The following NCOR2 variants were observed in gnomAD, a reference collection of about 807,000 sequenced individuals.
The protein encoded by NCOR2 is CTG repeat protein 26.
NCOR2 carries 81 observed loss-of-function variants against 262.9 expected under a neutral mutation model. That is an observed-to-expected ratio of 0.31 (90% CI 0.26 to 0.37). The LOEUF is 0.37. NCOR2 is among the 10% of genes least tolerant of loss of function. The pLI, the probability that NCOR2 is intolerant of heterozygous loss-of-function variation, is 1.00. For synonymous variants in NCOR2, 1,659 were observed against 1,559.3 expected (o/e 1.06, Z -1.51); for missense variants, 3,385 against 3,621.4 (o/e 0.93, Z 1.68).
chr12:124,388,660 C>T (rs1462716917), intron 16 of NCOR2: 16 of 1,304,042 alleles, frequency 1.2e-5, no homozygotes, highest in African/African-American at 1.5e-5. Context: ...AGTCCCCCAT[C>T]CCCTCCCCAG....
At chr12:124,460,404 C>T (rs1175269340) in intron 5 of NCOR2, among the ~76,000 whole-genome samples, 2 of 152,198 alleles carry the variant, frequency 1.3e-5, no homozygotes, top group Non-Finnish European at 2.9e-5. Flanking sequence ...CCCAGGGCCT[C>T]CCTGCCTCTC....
intron 4 of NCOR2, among the ~76,000 whole-genome samples, chr12:124,469,470 C>A (rs1004448011): frequency 1.3e-5 from 2 of 152,154 alleles, no homozygotes; most frequent in East Asian, 1.9e-4. Flanking sequence ...CCCACAGCCC[C>A]GAAAGGGTGG....
chr12:124,391,076 C>T (rs566406562), intron 16 of NCOR2, among the ~76,000 whole-genome samples: 2 of 152,380 alleles, frequency 1.3e-5, no homozygotes, highest in East Asian at 3.9e-4. Context: ...ACTCAGCCTC[C>T]TCGGCTCAGG....
chr12:124,558,362 G>A (rs1267401375), intron 1 of NCOR2, among the ~76,000 whole-genome samples: 1 of 152,034 alleles, frequency 6.6e-6, no homozygotes, highest in African/African-American at 2.4e-5. Flanking sequence ...GATGGGGGGC[G>A]TGCAGGCCTC....
intron 5 of NCOR2, among the ~76,000 whole-genome samples, chr12:124,461,410 G>A (rs1362647237): frequency 5.9e-5 from 9 of 152,222 alleles, no homozygotes; most frequent in Admixed American, 4.6e-4. Context: ...ATCCGGGCAC[G>A]TTCTCATTCG....
chr12:124,346,421 C>T, intron 31 of NCOR2, 143 bp downstream of exon 33: 1 of 922,934 alleles, frequency 1.1e-6, no homozygotes, highest in East Asian at 3.1e-5. Context: ...CAGCTGAGGC[C>T]CGGTGATGAG....
rs1023397112 is a variant in NCOR2, at chr12:124,517,835, G to A, written c.-118+17730C>T. Among the ~76,000 whole-genome samples, 3 of 152,160 alleles carry A rather than the reference G, an allele frequency of 2.0e-5. No homozygotes were observed. The highest frequency in any genetic ancestry group is 7.2e-5 in the African/African-American group (3 of 41,422). On this transcript the variant is annotated intron_variant, in intron 1 of 46. Coordinates refer to the NCOR2 transcript ENST00000404621. This position sits in a 1 kb window ranked among gnomAD's most constrained non-coding sequence, Gnocchi z 7.6. Reference sequence around the variant, plus strand: ...TTCCGTGACTGCAGCAACTTCGTCCGATGAGACAGCCCTGCCCACCATCCC... The same window carrying A: ...TTCCGTGACTGCAGCAACTTCGTCCAATGAGACAGCCCTGCCCACCATCCC...
At chr12:124,402,261 G>A (rs1222252699) in intron 14 of NCOR2, 143 bp downstream of exon 16, 5 of 1,483,580 alleles carry the variant, frequency 3.4e-6, no homozygotes, top group Non-Finnish European at 4.5e-6. Flanking sequence ...GGCTGTCAGG[G>A]GCAAACGAGC....
At chr12:124,528,346 G>A (rs569839611) in intron 1 of NCOR2, among the ~76,000 whole-genome samples, 275 of 152,272 alleles carry the variant, frequency 1.8e-3, no homozygotes, top group Non-Finnish European at 3.2e-3. Flanking sequence ...ATTTATTTAC[G>A]GGATTGCTTA....
intron 1 of NCOR2, among the ~76,000 whole-genome samples, chr12:124,520,037 G>A (rs540383302): frequency 9.8e-5 from 15 of 152,340 alleles, no homozygotes; most frequent in Non-Finnish European, 2.1e-4. Flanking sequence ...GGGGCCCGTG[G>A]CCACTGGACT....
chr12:124,486,994 A>G (rs1330959520), intron 1 of NCOR2, among the ~76,000 whole-genome samples: 1 of 151,446 alleles, frequency 6.6e-6, no homozygotes, highest in Non-Finnish European at 1.5e-5. Flanking sequence ...TCGCTTTTCT[A>G]CCCTCCCACC....
intron 8 of NCOR2, among the ~76,000 whole-genome samples, chr12:124,431,387 GAC>G (rs1009677091): frequency 7.3e-5 from 11 of 150,038 alleles, no homozygotes; most frequent in Non-Finnish European, 1.3e-4. Flanking sequence ...TCACATGGCA[GAC>G]ACACAGACAG....
chr12:124,484,508 T>C (rs1472202859), intron 2 of NCOR2, among the ~76,000 whole-genome samples: 1 of 152,208 alleles, frequency 6.6e-6, no homozygotes, highest in Non-Finnish European at 1.5e-5. Context: ...AATATGGGCC[T>C]TGCTGAAATG....
chr12:124,393,099 A>G (rs2041421941), intron 16 of NCOR2, among the ~76,000 whole-genome samples: 1 of 152,258 alleles, frequency 6.6e-6, no homozygotes, highest in African/African-American at 2.4e-5. Context: ...CCGCCAGAGA[A>G]GAGGGCTGGG....
At position 124,388,783 on chromosome 12, in the gene NCOR2, C is replaced by T. The variant is rs367648592; in HGVS notation, c.1877-2896G>A. On this transcript the variant is annotated intron_variant, in intron 16 of 46. Transcript: ENST00000405201. ...GGCCGAAGTGGGCCGGCAGGCTGGGCGGCCGCGGTCGGCTCTGCGAGGCTG... is the reference window on the plus strand; with the variant it reads ...GGCCGAAGTGGGCCGGCAGGCTGGGTGGCCGCGGTCGGCTCTGCGAGGCTG... 132 of 1,300,914 alleles carry T rather than the reference C, an allele frequency of 1.0e-4. No individual in the cohort carries two copies. The African/African-American group carries it at 1.2e-3, about 11-fold the overall frequency. The allele number at this position is 1,300,914 out of a possible 1,614,324, so 80.6% of individuals were successfully genotyped here.
exon 20 of NCOR2, chr12:124,372,078 G>A: frequency 6.2e-7 from 1 of 1,604,222 alleles, no homozygotes. Flanking sequence ...AGGTAGCACT[G>A]GAGTCGCTGT....
At chr12:124,437,867 CCT>C (rs1318345307) in intron 8 of NCOR2, 61 bp downstream of exon 10, 1 of 1,503,310 alleles carries the variant, frequency 6.7e-7, no homozygotes, top group African/African-American at 1.4e-5. Flanking sequence ...GGTGTGGCCC[CCT>C]GTGCGCTCGA....
chr12:124,421,471 C>G (rs1253450831), intron 12 of NCOR2, among the ~76,000 whole-genome samples: 1 of 152,258 alleles, frequency 6.6e-6, no homozygotes, highest in Non-Finnish European at 1.5e-5. Context: ...GGGCTTGTTT[C>G]TCCACACTGG....
rs765191989 is a variant in NCOR2 at position 124,344,971 on chromosome 12, A to G, written c.4360-20T>C. On this transcript the variant is annotated intron_variant, in intron 31 of 46. Coordinates refer to ENST00000405201, the Ensembl canonical transcript of NCOR2. ...GGTGCCCTGGGGCAGAGGGGATGTA[A>G]GCTCTAGCCCTGGCCACAGCCATAG... The G allele has an allele frequency of 1.3e-6, 2 of 1,514,766 alleles. No homozygotes were observed. The highest frequency in any genetic ancestry group is 1.8e-6 in the Non-Finnish European group (2 of 1,127,272). The allele number at this position is 1,514,766 out of a possible 1,614,324, so 93.8% of individuals were successfully genotyped here.
Sources: gnomAD v4.1 joint callset for allele counts (sites outside exome capture counted in the v4.1 genomes callset) on GRCh38, gnomAD v4.1.1 for gene constraint, Gnocchi (gnomAD v3.1) non-coding constraint, MANE v1.5 for transcripts, NCBI Gene and HGNC (gene_info 2026-07-23, HGNC 2026-07-21) for gene names.